GPC5: variants seen among roughly 807,000 people sequenced by gnomAD.
GPC5 encodes the protein glypican 5.
In GPC5, 47 loss-of-function variants were observed where a neutral mutation model predicts 53.9. The observed-to-expected ratio is 0.87, with a 90% confidence interval of 0.69 to 1.11. The LOEUF is 1.11. Ranked by LOEUF, GPC5 falls within the 50% of genes most tolerant of loss-of-function variation. The pLI is 0.00. For missense variants in GPC5, 748 were observed against 713.1 expected (o/e 1.05, Z -0.56); for synonymous variants, 286 against 263.3 (o/e 1.09, Z -0.84).
intron 7 of GPC5, among the ~76,000 whole-genome samples, chr13:92,638,394 T>A (rs1885480320): frequency 6.6e-6 from 1 of 152,100 alleles, no homozygotes; most frequent in Admixed American, 6.6e-5. Flanking sequence ...TAAATCCTCA[T>A]CACAGGTGAT....
chr13:91,762,812 A>T (rs1241160830), intron 5 of GPC5, among the ~76,000 whole-genome samples: 1 of 152,072 alleles, frequency 6.6e-6, no homozygotes, highest in Non-Finnish European at 1.5e-5. Context: ...CAATTAAATC[A>T]TTTTCTCCAT....
At chr13:92,353,494 G>A (rs1016159188) in intron 7 of GPC5, among the ~76,000 whole-genome samples, 3 of 152,032 alleles carry the variant, frequency 2.0e-5, no homozygotes, top group African/African-American at 7.2e-5. Flanking sequence ...GACAAGCATG[G>A]GAATGGAAAG....
At chr13:92,720,134 C>T (rs560600328) in intron 7 of GPC5, among the ~76,000 whole-genome samples, 3 of 152,142 alleles carry the variant, frequency 2.0e-5, no homozygotes, top group African/African-American at 7.2e-5. Context: ...TCTACTCTGG[C>T]AAAGAAAAAT....
At chr13:91,407,738 C>CTT (rs1234246573) in intron 1 of GPC5, among the ~76,000 whole-genome samples, 1 of 152,158 alleles carries the variant, frequency 6.6e-6, no homozygotes, top group Non-Finnish European at 1.5e-5. Context: ...AGGACACTGA[C>CTT]TTGGAGTTCA....
chr13:92,788,649 G>T (rs1876347926), intron 7 of GPC5, among the ~76,000 whole-genome samples: 1 of 152,158 alleles, frequency 6.6e-6, no homozygotes, highest in Non-Finnish European at 1.5e-5. Context: ...AATTTTCAAT[G>T]ATCGGAAATG....
chr13:92,240,539 T>A (rs1473382576), intron 7 of GPC5: 1 of 152,240 alleles, frequency 6.6e-6, no homozygotes, highest in African/African-American at 2.4e-5. Flanking sequence ...AATCTTGCTC[T>A]GTTGCCCAGG....
chr13:92,801,370 T>A (rs1006865296), intron 7 of GPC5, among the ~76,000 whole-genome samples: 5 of 151,622 alleles, frequency 3.3e-5, no homozygotes, highest in Non-Finnish European at 7.4e-5. Flanking sequence ...GCACAGCACA[T>A]TACCCATGTG....
chr13:92,310,117 ATGTG>A (rs2043136037), intron 7 of GPC5, among the ~76,000 whole-genome samples: 1 of 151,958 alleles, frequency 6.6e-6, no homozygotes, highest in Non-Finnish European at 1.5e-5. Flanking sequence ...ATTCCATTGT[ATGTG>A]TATGTATGTT....
intron 7 of GPC5, among the ~76,000 whole-genome samples, chr13:92,832,279 T>C (rs1878072415): frequency 6.6e-6 from 1 of 152,124 alleles, no homozygotes; most frequent in Non-Finnish European, 1.5e-5. Flanking sequence ...CAACATGGCA[T>C]TTGTCTGCCT....
intron 2 of GPC5, among the ~76,000 whole-genome samples, chr13:91,585,019 C>G (rs1195573596): frequency 6.6e-6 from 1 of 152,084 alleles, no homozygotes; most frequent in African/African-American, 2.4e-5. Context: ...AAAGACAAGC[C>G]ATTTTTGAAA....
intron 7 of GPC5, among the ~76,000 whole-genome samples, chr13:92,265,459 C>T (rs182015969): frequency 1.3e-5 from 2 of 152,218 alleles, no homozygotes; most frequent in Admixed American, 6.5e-5. Context: ...GGTCTTTCTT[C>T]ACTCCATTTT....
intron 5 of GPC5, among the ~76,000 whole-genome samples, chr13:91,822,819 T>C (rs935741846): frequency 6.6e-6 from 1 of 152,186 alleles, no homozygotes; most frequent in African/African-American, 2.4e-5. Flanking sequence ...AGTATGTTCC[T>C]GCACTCTATC....
intron 7 of GPC5, among the ~76,000 whole-genome samples, chr13:92,682,381 G>A (rs986285079): frequency 1.3e-5 from 2 of 152,158 alleles, no homozygotes; most frequent in Non-Finnish European, 2.9e-5. Flanking sequence ...CGTAATAGGA[G>A]CCCTGCTATT....
intron 7 of GPC5, among the ~76,000 whole-genome samples, chr13:92,281,630 C>G (rs1325106606): frequency 6.6e-6 from 1 of 152,202 alleles, no homozygotes. Flanking sequence ...GATACCCAGG[C>G]AAACAGGGTC....
intron 7 of GPC5, among the ~76,000 whole-genome samples, chr13:92,381,838 ATTG>A (rs1455239836): frequency 3.9e-5 from 3 of 77,010 alleles, no homozygotes; most frequent in Non-Finnish European, 8.3e-5. Flanking sequence ...TATATATTAT[ATTG>A]TATATGATCA....
chr13:92,256,758 TA>T lies in GPC5; in HGVS notation c.1561+111779del, dbSNP rs771952894. ...ATTGATTTATATTGTTTTCTTCCAT[TA>T]AAAAAAAAACACATTCCCATGTGTT... On this transcript the variant is annotated intron_variant, in intron 7 of 7. Transcript: ENST00000377067. 3.1e-3 allele frequency among the ~76,000 whole-genome samples: 463 copies of T among 148,386 alleles called. 3 individuals are homozygous for T. The highest frequency in any genetic ancestry group is 0.01 in the African/African-American group (412 of 40,698).
chr13:92,182,598 T>G (rs987036220), intron 7 of GPC5, among the ~76,000 whole-genome samples: 1 of 152,150 alleles, frequency 6.6e-6, no homozygotes, highest in Non-Finnish European at 1.5e-5. Flanking sequence ...GTTTCAGTGT[T>G]AAGAAAATTC....
Position 91,892,795 on chromosome 13 carries a change from C to T in GPC5, c.1281-15142C>T, listed in dbSNP as rs2039401307. Among the ~76,000 whole-genome samples the T allele has an allele frequency of 2.0e-5, 3 of 151,996 alleles. No individual in the cohort carries two copies. In the South Asian group the frequency reaches 6.2e-4, roughly 32 times the overall value. ...GTATCTTATTCGAAAGTGACCCTGA[C>T]ATTTAGTGAGTATCTGTCACTTAAT... On this transcript the variant is annotated intron_variant, in intron 5 of 7. Transcript: ENST00000377067.
At chr13:92,144,569 G>A (rs1274687234) in intron 6 of GPC5, among the ~76,000 whole-genome samples, 3 of 152,156 alleles carry the variant, frequency 2.0e-5, no homozygotes, top group Non-Finnish European at 4.4e-5. Context: ...CAAAGAAGGT[G>A]TAATTTCATT....
Sources: gnomAD v4.1 joint callset for allele counts (sites outside exome capture counted in the v4.1 genomes callset) on GRCh38, gnomAD v4.1.1 for gene constraint, MANE v1.5 for transcripts, NCBI Gene and HGNC (gene_info 2026-07-23, HGNC 2026-07-21) for gene names.